SSBP2: variants seen among roughly 807,000 people sequenced by gnomAD.
SSBP2 encodes the protein single-stranded DNA-binding protein 2.
In SSBP2, 17 loss-of-function variants were observed where a neutral mutation model predicts 61.8. That is an observed-to-expected ratio of 0.28 (90% CI 0.19 to 0.41). SSBP2 has a LOEUF of 0.41. Among genes scored for constraint, SSBP2 ranks in the 10% least tolerant of loss-of-function variants. The pLI, the probability that SSBP2 is intolerant of heterozygous loss-of-function variation, is 1.00. For synonymous variants in SSBP2, 139 were observed against 141.3 expected (o/e 0.98, Z 0.12); for missense variants, 310 against 458.7 (o/e 0.68, Z 2.96).
chr5:81,442,357 T>C (rs1340714237), intron 13 of SSBP2, among the ~76,000 whole-genome samples: 1 of 152,132 alleles, frequency 6.6e-6, no homozygotes, highest in African/African-American at 2.4e-5. Context: ...TGATTATACA[T>C]AACCTGTCAT....
Position 81,448,820 on chromosome 5 carries a change from T to C in SSBP2, c.693A>G (p.Pro231=). The C allele has an allele frequency of 1.2e-6, 2 of 1,613,186 alleles. No homozygotes were observed. Among genetic ancestry groups the C allele is most frequent in the Non-Finnish European group, 1.7e-6 (2 of 1,179,592 alleles). Residue 231 remains proline, a synonymous_variant, in exon 11 of 17, where the codon CCA becomes CCG. Coordinates refer to ENST00000320672, the MANE Select transcript of SSBP2 (RefSeq NM_012446.5). ...AATTCCCAGGAGATGCTGAGGAGTA[T>C]GGTATCTGGAACACGAATAGGACAA...
chr5:81,508,496 A>T (rs755693605), intron 5 of SSBP2, among the ~76,000 whole-genome samples: 1 of 152,210 alleles, frequency 6.6e-6, no homozygotes, highest in Non-Finnish European at 1.5e-5. Context: ...TCAGCAACAG[A>T]GGCTCTCTCA....
chr5:81,583,961 C>T (rs1009917695), intron 4 of SSBP2, among the ~76,000 whole-genome samples: 1 of 152,074 alleles, frequency 6.6e-6, no homozygotes, highest in Admixed American at 6.5e-5. Context: ...TTTTAAAATA[C>T]AATGATTATA....
chr5:81,700,672 A>G (rs1455991260), intron 1 of SSBP2, among the ~76,000 whole-genome samples: 1 of 152,216 alleles, frequency 6.6e-6, no homozygotes, highest in Non-Finnish European at 1.5e-5. Context: ...CAATGATCTT[A>G]GATCTTCTGG....
At chr5:81,437,721 T>C in intron 14 of SSBP2, 1 of 252,156 alleles carries the variant, frequency 4.0e-6, no homozygotes, top group Non-Finnish European at 7.7e-6. Context: ...TTATCATAGA[T>C]TCCTAAATGT....
chr5:81,556,157 GAAAGTTTCATTTATTATCTTT>G (rs1229738528), intron 4 of SSBP2, among the ~76,000 whole-genome samples: 1 of 152,030 alleles, frequency 6.6e-6, no homozygotes, highest in African/African-American at 2.4e-5. Context: ...CACCCCTGCA[GAAAGTTTCATTTATTATCTTT>G]ATATATTATC....
At chr5:81,464,754 G>C (rs1365645400) in intron 9 of SSBP2, among the ~76,000 whole-genome samples, 2 of 152,102 alleles carry the variant, frequency 1.3e-5, no homozygotes, top group Non-Finnish European at 1.5e-5. Context: ...GTTCAAGACA[G>C]AGCGTAAGGT....
At chr5:81,728,243 G>A (rs1359407208) in intron 1 of SSBP2, among the ~76,000 whole-genome samples, 2 of 152,062 alleles carry the variant, frequency 1.3e-5, no homozygotes, top group African/African-American at 4.8e-5. Context: ...ATCCCTTTTT[G>A]GAGTTACCAT....
intron 1 of SSBP2, among the ~76,000 whole-genome samples, chr5:81,745,010 A>G (rs1020980980): frequency 6.6e-6 from 1 of 152,154 alleles, no homozygotes; most frequent in African/African-American, 2.4e-5. Flanking sequence ...ATTATAAGAA[A>G]AACATTAACA....
intron 1 of SSBP2, among the ~76,000 whole-genome samples, chr5:81,692,885 AC>A (rs1004533267): frequency 2.0e-5 from 3 of 152,150 alleles, no homozygotes; most frequent in African/African-American, 7.2e-5. Context: ...TAAATCTAAG[AC>A]CTCAAACTAT....
chr5:81,522,767 A>G (rs1463937585), intron 4 of SSBP2, among the ~76,000 whole-genome samples: 1 of 152,028 alleles, frequency 6.6e-6, no homozygotes, highest in Non-Finnish European at 1.5e-5. Context: ...ACCCTGGGCC[A>G]CCTCACTTAG....
chr5:81,700,559 T>C (rs934114482), intron 1 of SSBP2, among the ~76,000 whole-genome samples: 3 of 152,214 alleles, frequency 2.0e-5, no homozygotes, highest in Non-Finnish European at 2.9e-5. Flanking sequence ...AAGCCAGGCA[T>C]TGGCTACTTT....
chr5:81,488,665 T>C (rs1205382198), intron 6 of SSBP2, among the ~76,000 whole-genome samples: 1 of 151,014 alleles, frequency 6.6e-6, no homozygotes, highest in African/African-American at 2.4e-5. Flanking sequence ...AACTCATCAT[T>C]TAGCATTAGG....
intron 4 of SSBP2, among the ~76,000 whole-genome samples, chr5:81,599,511 G>A (rs762640559): frequency 3.3e-5 from 5 of 152,168 alleles, no homozygotes; most frequent in Admixed American, 1.3e-4. Context: ...GTCACAGTCC[G>A]CTGATCCTAG....
chr5:81,616,012 A>G (rs1234290150), intron 3 of SSBP2: 1 of 153,126 alleles, frequency 6.5e-6, no homozygotes, highest in Admixed American at 6.5e-5. Context: ...TATATTGTTT[A>G]AACAAATGTA....
chr5:81,737,159 C>A (rs1433709171), intron 1 of SSBP2, among the ~76,000 whole-genome samples: 7 of 151,974 alleles, frequency 4.6e-5, no homozygotes, highest in Admixed American at 3.9e-4. Flanking sequence ...CTGTAGCATA[C>A]CATTATTGTC....
intron 4 of SSBP2, among the ~76,000 whole-genome samples, chr5:81,544,296 C>T (rs544526796): frequency 2.5e-4 from 38 of 152,268 alleles, no homozygotes; most frequent in African/African-American, 7.7e-4. Flanking sequence ...ATCCGCCCCC[C>T]TCAGCCACCC....
intron 8 of SSBP2, among the ~76,000 whole-genome samples, chr5:81,472,172 G>T (rs1765290624): frequency 6.6e-6 from 1 of 152,078 alleles, no homozygotes; most frequent in Non-Finnish European, 1.5e-5. Context: ...GTTAATCTCT[G>T]ACCCACGAGG....
chr5:81,473,922 C>G, intron 7 of SSBP2, 152 bp from the exon 8 acceptor site: 1 of 671,644 alleles, frequency 1.5e-6, no homozygotes, highest in Non-Finnish European at 2.6e-6. Context: ...ACTTTTCCAC[C>G]TCTTACCACT....
Sources: allele counts gnomAD v4.1 joint callset (sites outside exome capture counted in the v4.1 genomes callset), GRCh38; gene constraint gnomAD v4.1.1; transcripts MANE v1.5; gene names NCBI Gene and HGNC (gene_info 2026-07-23, HGNC 2026-07-21).